The following ADCY5 variants were observed in gnomAD, a reference collection of about 807,000 sequenced individuals.
ADCY5 encodes the protein adenylate cyclase type 5.
A neutral mutation model predicts 119.7 loss-of-function variants in ADCY5; 30 were observed. That is an observed-to-expected ratio of 0.25 (90% CI 0.19 to 0.34). The LOEUF is 0.34. ADCY5 is among the 10% of genes least tolerant of loss of function. The probability of loss-of-function intolerance (pLI) is 1.00; values close to 1 mark genes in which losing one functional copy is unlikely to be tolerated. For synonymous variants in ADCY5, 753 were observed against 762.2 expected (o/e 0.99, Z 0.20); for missense variants, 1,324 against 1,775.2 (o/e 0.75, Z 4.57).
intron 3 of ADCY5, among the ~76,000 whole-genome samples, chr3:123,336,247 C>A (rs1942020967): frequency 6.6e-6 from 1 of 152,236 alleles, no homozygotes; most frequent in Non-Finnish European, 1.5e-5. Flanking sequence ...GCACCTGCCC[C>A]CTCCACCCAG....
At chr3:123,367,200 C>T (rs1486250011) in intron 1 of ADCY5, among the ~76,000 whole-genome samples, 1 of 152,176 alleles carries the variant, frequency 6.6e-6, no homozygotes, top group Non-Finnish European at 1.5e-5. Context: ...ACCTCATCCC[C>T]GGACCAGGCG....
At chr3:123,416,462 G>T (rs2107631782) in intron 1 of ADCY5, 2 of 870,400 alleles carry the variant, frequency 2.3e-6, no homozygotes, top group Non-Finnish European at 1.7e-6. Flanking sequence ...GAGGGAGGAG[G>T]CTCTAAGGCA....
intron 1 of ADCY5, chr3:123,416,089 G>A: frequency 7.2e-7 from 1 of 1,393,668 alleles, no homozygotes; most frequent in Non-Finnish European, 9.8e-7. Flanking sequence ...CAGGCCCCAG[G>A]TGAGGTGTCC....
intron 8 of ADCY5, among the ~76,000 whole-genome samples, chr3:123,323,159 G>A (rs1056630659): frequency 6.6e-6 from 1 of 152,198 alleles, no homozygotes; most frequent in Non-Finnish European, 1.5e-5. Flanking sequence ...AGCCAGGACA[G>A]GAGCCTCTGT....
intron 1 of ADCY5, among the ~76,000 whole-genome samples, chr3:123,384,252 T>C (rs568800043): frequency 2.1e-4 from 32 of 152,336 alleles, no homozygotes; most frequent in Middle Eastern, 3.4e-3. Flanking sequence ...AGGTGGGACC[T>C]GCTGTCCCCT....
intron 1 of ADCY5, among the ~76,000 whole-genome samples, chr3:123,362,802 T>A (rs184994641): frequency 6.6e-6 from 1 of 152,322 alleles, no homozygotes; most frequent in African/African-American, 2.4e-5. Context: ...GGAAATACCC[T>A]TAATATACAA....
At chr3:123,415,988 G>A (rs1945174982) in intron 1 of ADCY5, among the ~76,000 whole-genome samples, 1 of 152,194 alleles carries the variant, frequency 6.6e-6, no homozygotes. Context: ...TGAATGGTAG[G>A]TATACGGTAG....
intron 1 of ADCY5, among the ~76,000 whole-genome samples, chr3:123,437,245 C>T (rs1450980163): frequency 1.3e-5 from 2 of 152,138 alleles, no homozygotes; most frequent in African/African-American, 2.4e-5. Context: ...CTGGGGCATT[C>T]GTCTACCAGT....
intron 1 of ADCY5, among the ~76,000 whole-genome samples, chr3:123,365,458 G>A (rs1344357063): frequency 6.6e-6 from 1 of 152,166 alleles, no homozygotes; most frequent in Non-Finnish European, 1.5e-5. Context: ...AAGCACCAAG[G>A]GCCTGGGAGA....
intron 1 of ADCY5, among the ~76,000 whole-genome samples, chr3:123,363,143 G>GAAAA (rs58854772): frequency 2.0e-5 from 1 of 50,088 alleles, no homozygotes; most frequent in African/African-American, 6.1e-5. Context: ...ATTCCTTCTT[G>GAAAA]AAAAAAAAAA....
intron 1 of ADCY5, among the ~76,000 whole-genome samples, chr3:123,372,866 G>T (rs1333009683): frequency 6.6e-6 from 1 of 152,132 alleles, no homozygotes; most frequent in African/African-American, 2.4e-5. Context: ...TGTGTCAACT[G>T]GTTTTTAAAA....
rs1023780702 is a variant in ADCY5 at position 123,441,942 on chromosome 3, T to C, written c.1134+5470A>G. 2.7e-5 allele frequency among the ~76,000 whole-genome samples: 4 copies of C among 148,162 alleles called. No homozygotes were observed. In the East Asian group the frequency reaches 5.9e-4, roughly 22 times the overall value. On this transcript the variant is annotated intron_variant, in intron 1 of 20. Coordinates refer to ENST00000462833, the MANE Select transcript of ADCY5 (RefSeq NM_183357.3). ...TTCTTCACAATGCTGTAAAGAGAGA[T>C]CTTCCCTGTCCTACATTTGGATATT...
chr3:123,327,392 T>C (rs1941542937), intron 7 of ADCY5, among the ~76,000 whole-genome samples: 1 of 152,218 alleles, frequency 6.6e-6, no homozygotes, highest in Non-Finnish European at 1.5e-5. Flanking sequence ...GCTAACTGAT[T>C]TGAGGCCTGT....
At chr3:123,343,451 G>A (rs1206612478) in intron 3 of ADCY5, among the ~76,000 whole-genome samples, 1 of 152,198 alleles carries the variant, frequency 6.6e-6, no homozygotes, top group African/African-American at 2.4e-5. Context: ...CCAGGCGGCA[G>A]AGCTGGGTGT....
At chr3:123,329,599 T>C (rs1402512093) in intron 5 of ADCY5, among the ~76,000 whole-genome samples, 1 of 152,080 alleles carries the variant, frequency 6.6e-6, no homozygotes, top group East Asian at 1.9e-4. Context: ...AGTAGGGTAA[T>C]GGATGAACTC....
chr3:123,333,363 G>C (rs891932947), intron 3 of ADCY5, among the ~76,000 whole-genome samples: 3 of 152,244 alleles, frequency 2.0e-5, no homozygotes, highest in African/African-American at 7.2e-5. Flanking sequence ...TTCTCTTAGA[G>C]CAGCCTGAAC....
In ADCY5 at chr3:123,327,764, A is replaced by G; in HGVS notation, c.1806-5T>C. On this transcript the variant is annotated splice_polypyrimidine_tract_variant and splice_region_variant and intron_variant, in intron 6 of 20. Coordinates refer to ENST00000462833, the MANE Select transcript of ADCY5 (RefSeq NM_183357.3). ...GCCTTGGTGATGTGGATGCGTCTAC[A>G]GGGGGGCAGGGATCAGGGTGGAGAG... The G allele has an allele frequency of 1.2e-6, 2 of 1,613,918 alleles. No homozygotes were observed. The highest frequency in any genetic ancestry group is 3.3e-4 in the Middle Eastern group (2 of 6,062).
chr3:123,304,670 G>A (rs954461483), intron 12 of ADCY5, among the ~76,000 whole-genome samples: 2 of 152,026 alleles, frequency 1.3e-5, no homozygotes, highest in African/African-American at 4.8e-5. Context: ...ACTGACCAGC[G>A]AGGAGCAGGA....
chr3:123,304,216 G>A (rs1435910995), intron 12 of ADCY5, 33 bp from the exon 13 acceptor site: 1 of 1,243,068 alleles, frequency 8.0e-7, no homozygotes, highest in Non-Finnish European at 1.2e-6. Context: ...GAGGGAGGGA[G>A]GGAGAGACGG....
Sources: allele counts gnomAD v4.1 joint callset (sites outside exome capture counted in the v4.1 genomes callset), GRCh38; gene constraint gnomAD v4.1.1; transcripts MANE v1.5; gene names NCBI Gene and HGNC (gene_info 2026-07-23, HGNC 2026-07-21).